The following TULP4 variants were observed in gnomAD, a reference collection of about 807,000 sequenced individuals.
The protein encoded by TULP4 is TUB like protein 4, also known as tubby-related protein 4.
In TULP4, 16 loss-of-function variants were observed where a neutral mutation model predicts 129.0. That is an observed-to-expected ratio of 0.12 (90% confidence interval 0.08 to 0.19). The LOEUF is 0.19. Ranked by LOEUF, TULP4 falls within the 10% of genes least tolerant of loss-of-function variation. TULP4 has a pLI of 1.00. For missense variants in TULP4, 1,842 were observed against 2,059.1 expected (o/e 0.89, Z 2.04); for synonymous variants, 998 against 854.0 (o/e 1.17, Z -2.94).
chr6:158,503,912 G>A lies in TULP4; in HGVS notation c.4249G>A (p.Asp1417Asn). The change falls in exon 13 of 14, where the codon GAT becomes AAT. Residue 1417 changes from aspartate to asparagine, a missense_variant. By Grantham distance (23) the Asp-to-Asn change is conservative. This residue lies in a region of TULP4 where 1,089 missense variants were observed against 987.1 expected (regional missense o/e 1.10). Coordinates refer to ENST00000367097, the MANE Select transcript of TULP4 (RefSeq NM_020245.5). This position sits in a 1 kb window ranked among gnomAD's most constrained non-coding sequence, Gnocchi z 4.3. ...CGAGCCTGAGCTGTTCATCAGCGGG[G>A]ATGAGCTCATGAACCAGAGCCAGGG... is the stretch of plus-strand genomic sequence containing the variant. Reference protein sequence around the residue: ...ESEPELFISGDELMNQSQGSR... With the variant: ...ESEPELFISGNELMNQSQGSR... 6.2e-7 allele frequency: 1 copy of A among 1,614,100 alleles called. No homozygotes were observed. Among genetic ancestry groups the A allele is most frequent in the South Asian group, 1.1e-5 (1 of 91,084 alleles).
chr6:158,438,646 G>A (rs1434339031), intron 3 of TULP4, among the ~76,000 whole-genome samples: 8 of 151,988 alleles, frequency 5.3e-5, no homozygotes, highest in Admixed American at 5.2e-4. Context: ...GTGCAGTGGC[G>A]TGATCTCAGC....
chr6:158,364,608 TAAG>T (rs1780881101), intron 1 of TULP4, among the ~76,000 whole-genome samples: 1 of 152,222 alleles, frequency 6.6e-6, no homozygotes, highest in Non-Finnish European at 1.5e-5. Context: ...TTGTTACTGT[TAAG>T]AAGTCTGCTG....
intron 3 of TULP4, among the ~76,000 whole-genome samples, chr6:158,433,597 G>C (rs1012391375): frequency 3.3e-5 from 5 of 152,180 alleles, no homozygotes; most frequent in Admixed American, 3.3e-4. Flanking sequence ...TGTAGTCCCA[G>C]CTACTCCGGA....
chr6:158,377,976 C>T (rs1272086511), intron 1 of TULP4, among the ~76,000 whole-genome samples: 1 of 152,148 alleles, frequency 6.6e-6, no homozygotes, highest in East Asian at 1.9e-4. Context: ...GTCTGGTCAG[C>T]TGCATTCAGC....
chr6:158,385,896 G>A (rs1276244117), intron 1 of TULP4, among the ~76,000 whole-genome samples: 1 of 126,370 alleles, frequency 7.9e-6, no homozygotes, highest in East Asian at 2.2e-4. Context: ...CCAGGCTGGA[G>A]CACAGTAGTG....
Position 158,493,427 on chromosome 6 carries a change from A to G in TULP4, c.1632-146A>G. 1.4e-6 allele frequency: 1 copy of G among 700,072 alleles called. No individual in the cohort carries two copies. Among genetic ancestry groups the G allele is most frequent in the Non-Finnish European group, 2.1e-6 (1 of 470,374 alleles). The allele number at this position is 700,072 out of a possible 1,614,324, so 43.4% of individuals were successfully genotyped here. A position where few individuals can be genotyped will look rare whatever the true frequency, so the allele number is the denominator to read the frequency against. On this transcript the variant is annotated intron_variant, in intron 9 of 13. Coordinates refer to ENST00000367097, the MANE Select transcript of TULP4 (RefSeq NM_020245.5). The surrounding 1 kb of genome is among the most constrained non-coding windows in gnomAD (Gnocchi z 4.4). ...ATTCATAAAGCAAAAGCAAGGGGAG[A>G]GCTTTGTTAAATTCGGGCACTGGCT...
At chr6:158,487,100 T>C (rs1780089292) in intron 8 of TULP4, among the ~76,000 whole-genome samples, 1 of 130,194 alleles carries the variant, frequency 7.7e-6, no homozygotes, top group Non-Finnish European at 1.7e-5. Context: ...ATGCAAAAAT[T>C]AGCTGGGTGT....
intron 1 of TULP4, among the ~76,000 whole-genome samples, chr6:158,406,455 T>A (rs1224345948): frequency 6.6e-6 from 1 of 152,186 alleles, no homozygotes; most frequent in African/African-American, 2.4e-5. Context: ...ATAGTGCATG[T>A]GATTGAACAT....
At chr6:158,290,604 C>T (rs931344931) in intron 1 of TULP4, among the ~76,000 whole-genome samples, 12 of 152,148 alleles carry the variant, frequency 7.9e-5, no homozygotes, top group Admixed American at 1.3e-4. Context: ...TGTTTTTACC[C>T]CTCCAGTGAT....
intron 1 of TULP4, among the ~76,000 whole-genome samples, chr6:158,411,327 T>G (rs544412084): frequency 9.9e-5 from 15 of 151,552 alleles, no homozygotes; most frequent in Non-Finnish European, 2.2e-4. Context: ...CTGTGGGGGG[T>G]GGGTGGTGTT....
chr6:158,287,730 T>C (rs966347624), intron 1 of TULP4, among the ~76,000 whole-genome samples: 1 of 152,204 alleles, frequency 6.6e-6, no homozygotes, highest in Admixed American at 6.5e-5. Flanking sequence ...AGCATTGTAC[T>C]TGGATGGATT....
intron 5 of TULP4, 78 bp downstream of exon 5, chr6:158,452,346 TG>T (rs762168731): frequency 1.9e-6 from 3 of 1,540,172 alleles, no homozygotes; most frequent in Non-Finnish European, 2.6e-6. Context: ...TTGTACACTC[TG>T]TGCTTACTGA....
chr6:158,271,544 C>T (rs1177559107), intron 1 of TULP4, among the ~76,000 whole-genome samples: 1 of 151,972 alleles, frequency 6.6e-6, no homozygotes, highest in East Asian at 1.9e-4. Flanking sequence ...GCGATCCTCC[C>T]ACCTCAGCCT....
intron 1 of TULP4, among the ~76,000 whole-genome samples, chr6:158,296,697 A>G (rs915362912): frequency 3.3e-5 from 5 of 151,612 alleles, no homozygotes; most frequent in African/African-American, 1.2e-4. Context: ...ATAAAGAGAA[A>G]GAGTACAAAG....
At chr6:158,294,704 C>A (rs1778999185) in intron 1 of TULP4, among the ~76,000 whole-genome samples, 1 of 152,048 alleles carries the variant, frequency 6.6e-6, no homozygotes. Context: ...TCTTCCTCTT[C>A]CTTCTTCCTC....
chr6:158,246,023 G>GGGGGGGGGGTGTGTGTGTGTGTGTGT, intron 1 of TULP4, among the ~76,000 whole-genome samples: 1 of 145,920 alleles, frequency 6.9e-6, no homozygotes, highest in East Asian at 2.0e-4. Context: ...ACCCCTTAGG[G>GGGGGGGGGGTGTGTGTGTGTGTGTGT]GTGTGTGTGT....
chr6:158,309,886 A>G (rs1006596545), upstream of TULP4, among the ~76,000 whole-genome samples: 8 of 95,762 alleles, frequency 8.4e-5, no homozygotes, highest in Admixed American at 2.7e-4. Context: ...GTGGGAAGAG[A>G]GGGAGAGGGA....
intron 1 of TULP4, among the ~76,000 whole-genome samples, chr6:158,271,915 G>A (rs1454914094): frequency 1.3e-5 from 2 of 152,228 alleles, no homozygotes; most frequent in Non-Finnish European, 2.9e-5. Context: ...GACAAAGGAT[G>A]GGGTAAGTCA....
chr6:158,406,943 C>T (rs778856902), intron 1 of TULP4, among the ~76,000 whole-genome samples: 13 of 152,204 alleles, frequency 8.5e-5, no homozygotes, highest in African/African-American at 1.4e-4. Flanking sequence ...GTTAGAGGCA[C>T]GGCGGTCCCC....
Sources: gnomAD v4.1 joint callset for allele counts (sites outside exome capture counted in the v4.1 genomes callset) on GRCh38, gnomAD v4.1.1 for gene constraint, gnomAD v4.1.1 regional missense constraint, Gnocchi (gnomAD v3.1) non-coding constraint, MANE v1.5 for transcripts, NCBI Gene and HGNC (gene_info 2026-07-23, HGNC 2026-07-21) for gene names.